The following SEC62 variants were observed in gnomAD, a reference collection of about 807,000 sequenced individuals.
SEC62 encodes the protein translocation protein SEC62.
In SEC62, 10 loss-of-function variants were observed where a neutral mutation model predicts 47.5. The observed-to-expected ratio is 0.21, with a 90% CI of 0.13 to 0.36. SEC62 has a LOEUF of 0.36. Among genes scored for constraint, SEC62 ranks in the 10% least tolerant of loss-of-function variants. SEC62 has a pLI of 1.00. For synonymous variants in SEC62, 136 were observed against 150.5 expected, an observed-to-expected ratio of 0.90 and a Z score of 0.71; for missense variants, 327 against 464.1, an observed-to-expected ratio of 0.70 and a Z score of 2.71.
intron 3 of SEC62, 122 bp from the exon 4 acceptor site, chr3:169,982,585 G>A (rs1267033743): frequency 6.0e-6 from 7 of 1,168,534 alleles, no homozygotes; most frequent in Non-Finnish European, 8.8e-6. Context: ...CATACTAGTT[G>A]TAATTTCTCT....
intron 1 of SEC62, among the ~76,000 whole-genome samples, chr3:169,972,966 TAG>T (rs1415218571): frequency 9.2e-5 from 14 of 152,118 alleles, no homozygotes; most frequent in Admixed American, 7.9e-4. Context: ...GTTATTTAAT[TAG>T]ATCGATTTTA....
Position 169,981,009 on chromosome 3 carries a change from A to G in SEC62, c.252-1698A>G, listed in dbSNP as rs183281294. On this transcript the variant is annotated intron_variant, in intron 3 of 7. Transcript: ENST00000337002. ...TCATTATAGATTTTTTTTGTAAGAC[A>G]TTCTGGAGTAAAAAATGTAAGACTA... Among the ~76,000 whole-genome samples the G allele has an allele frequency of 6.6e-5, 10 of 152,334 alleles. No homozygotes were observed. The South Asian group carries it at 1.7e-3, about 25-fold the overall frequency.
intron 3 of SEC62, among the ~76,000 whole-genome samples, chr3:169,980,066 A>G (rs1714933888): frequency 6.6e-6 from 1 of 152,196 alleles, no homozygotes; most frequent in Non-Finnish European, 1.5e-5. Flanking sequence ...TACTCAACAA[A>G]TAGTCTAGGC....
chr3:169,967,620 T>A lies in SEC62; in HGVS notation c.36+762T>A, dbSNP rs141078046. Among the ~76,000 whole-genome samples the A allele has an allele frequency of 4.8e-3, 731 of 152,280 alleles. 8 individuals are homozygous for A. The highest frequency in any genetic ancestry group is 0.017 in the African/African-American group (686 of 41,544). On this transcript the variant is annotated intron_variant, in intron 1 of 7. Coordinates refer to ENST00000337002, the MANE Select transcript of SEC62 (RefSeq NM_003262.4). ...ATCTCCCCCTAATTCCACATGCGTG[T>A]CATTTGTGCATTTCTTCCTTGCGAT...
intron 6 of SEC62, among the ~76,000 whole-genome samples, chr3:169,987,063 C>T (rs1409744165): frequency 6.9e-6 from 1 of 145,886 alleles, no homozygotes; most frequent in Non-Finnish European, 1.5e-5. Flanking sequence ...ATTTAACAAA[C>T]AGAAAAAAAA....
chr3:169,986,230 G>T (rs1334789953), intron 6 of SEC62, among the ~76,000 whole-genome samples: 1 of 152,126 alleles, frequency 6.6e-6, no homozygotes, highest in Non-Finnish European at 1.5e-5. Flanking sequence ...CTCTCTAACA[G>T]TTGATAGGTA....
At chr3:169,969,822 A>G (rs1364989738) in intron 1 of SEC62, among the ~76,000 whole-genome samples, 7 of 152,342 alleles carry the variant, frequency 4.6e-5, no homozygotes, top group Non-Finnish European at 8.8e-5. Context: ...AAAGAGAATC[A>G]TCCCATTCAG....
intron 1 of SEC62, among the ~76,000 whole-genome samples, chr3:169,974,418 T>G (rs1366301327): frequency 1.3e-5 from 2 of 152,238 alleles, no homozygotes; most frequent in Admixed American, 6.5e-5. Context: ...CTGCCTTCAT[T>G]TTCTTCAGTA....
At chr3:169,991,555 A>T (rs1715248801) in intron 7 of SEC62, among the ~76,000 whole-genome samples, 1 of 152,120 alleles carries the variant, frequency 6.6e-6, no homozygotes, top group Non-Finnish European at 1.5e-5. Flanking sequence ...TCTACAAAAA[A>T]TACAAAAATT....
rs1385045048 is a variant in SEC62 at position 169,997,745 on chromosome 3, G to C, written c.*4682G>C. 2.0e-5 allele frequency: 3 copies of C among 152,250 alleles called. No individual in the cohort carries two copies. The highest frequency in any genetic ancestry group is 7.2e-5 in the African/African-American group (3 of 41,432). The allele number at this position is 152,250 out of a possible 1,614,324, so 9.4% of individuals were successfully genotyped here. A position where few individuals can be genotyped will look rare whatever the true frequency, so the allele number is the denominator to read the frequency against. On this transcript the variant is annotated 3_prime_UTR_variant, in exon 8 of 8. Transcript: ENST00000337002. ...GGCCTCCCAAAGTGCTGGGATTACA[G>C]GCATGAGCCACCATGCCTGGCCAGA...
chr3:169,988,029 A>G (rs1028597244), intron 6 of SEC62, among the ~76,000 whole-genome samples: 8 of 152,200 alleles, frequency 5.3e-5, no homozygotes, highest in Admixed American at 2.0e-4. Context: ...ATTTACACTA[A>G]TAAAAACTAG....
intron 6 of SEC62, among the ~76,000 whole-genome samples, chr3:169,987,034 G>A (rs1715125604): frequency 6.6e-6 from 1 of 151,470 alleles, no homozygotes; most frequent in Non-Finnish European, 1.5e-5. Context: ...ATTCCAGGAG[G>A]TTTTATGGGG....
At chr3:169,989,618 A>C (rs2108288115) in intron 7 of SEC62, among the ~76,000 whole-genome samples, 1 of 152,228 alleles carries the variant, frequency 6.6e-6, no homozygotes, top group South Asian at 2.1e-4. Context: ...GGAAATTTTT[A>C]GCAAAGGTTT....
Position 169,993,805 on chromosome 3 carries a change from A to T in SEC62, c.*742A>T, listed in dbSNP as rs1360910672. The T allele has an allele frequency of 2.0e-5, 3 of 152,662 alleles. No individual in the cohort carries two copies. Among genetic ancestry groups the T allele is most frequent in the Non-Finnish European group, 4.4e-5 (3 of 68,042 alleles). The allele number at this position is 152,662 out of a possible 1,614,324, so 9.5% of individuals were successfully genotyped here. A position where few individuals can be genotyped will look rare whatever the true frequency, so the allele number is the denominator to read the frequency against. Reference sequence around the variant, plus strand: ...AAAGTGTATTCTGTACATAATTTACAAATAAAACATTTTATTTTAATTGTT... The same window carrying T: ...AAAGTGTATTCTGTACATAATTTACTAATAAAACATTTTATTTTAATTGTT... On this transcript the variant is annotated 3_prime_UTR_variant, in exon 8 of 8. Transcript: ENST00000337002.
rs551682563 is a variant in SEC62 at position 169,974,913 on chromosome 3, CTACT to C, written c.37-689_37-686del. ...TAACATTTATTTATGACACTTGTTT[CTACT>C]TACTTTGACATTTGGATACTCACTA... On this transcript the variant is annotated intron_variant, in intron 1 of 7. Transcript: ENST00000337002. 6.4e-3 allele frequency among the ~76,000 whole-genome samples: 976 copies of C among 152,278 alleles called. 6 individuals are homozygous for C. Among genetic ancestry groups the C allele is most frequent in the African/African-American group, 0.021 (893 of 41,550 alleles).
intron 5 of SEC62, chr3:169,985,508 TG>T (rs1260994027): frequency 2.0e-5 from 4 of 197,076 alleles, no homozygotes; most frequent in Admixed American, 1.2e-4. Flanking sequence ...TCCAAAGTGC[TG>T]GGATTATAGG....
intron 6 of SEC62, 73 bp downstream of exon 6, chr3:169,985,938 GA>G: frequency 1.0e-6 from 1 of 1,002,534 alleles, no homozygotes; most frequent in South Asian, 1.5e-5. Flanking sequence ...TACTGTAAAA[GA>G]AAATGTTCCT....
intron 6 of SEC62, among the ~76,000 whole-genome samples, chr3:169,986,209 A>G (rs1407872884): frequency 6.6e-6 from 1 of 152,190 alleles, no homozygotes; most frequent in African/African-American, 2.4e-5. Flanking sequence ...GGTCTTAGAA[A>G]AAAATCAGCT....
chr3:169,992,879 G>T lies in SEC62; in HGVS notation c.1016G>T (p.Arg339Leu). Reference protein sequence around the residue: ...NHGTEGSGGERHSDTDSDRRE... With the variant: ...NHGTEGSGGELHSDTDSDRRE... ...GGAACAGAAGGCTCGGGGGGAGAAC[G>T]GCATTCAGACACGGACAGTGACAGG... Residue 339 changes from arginine to leucine, a missense_variant, in exon 8 of 8, where the codon CGG (arginine) becomes CTG (leucine). This residue lies in a region of SEC62 where 102 missense variants were observed against 108.8 expected (regional missense o/e 0.94). Transcript: ENST00000337002. This position sits in a 1 kb window ranked among gnomAD's most constrained non-coding sequence, Gnocchi z 4.0. The T allele has an allele frequency of 6.2e-7, 1 of 1,613,984 alleles. No individual in the cohort carries two copies.
Sources: allele counts gnomAD v4.1 joint callset (sites outside exome capture counted in the v4.1 genomes callset), GRCh38; gene constraint gnomAD v4.1.1; regional missense constraint gnomAD v4.1.1; non-coding constraint Gnocchi (gnomAD v3.1); transcripts MANE v1.5; gene names NCBI Gene and HGNC (gene_info 2026-07-23, HGNC 2026-07-21).